KLHL12: variants seen among roughly 807,000 people sequenced by gnomAD.
KLHL12 encodes the protein kelch-like protein 12.
Under a neutral mutation model 60.8 loss-of-function variants are expected in KLHL12, and 17 were observed. The ratio of observed to expected loss-of-function variants is 0.28; its 90% CI spans 0.19 to 0.42. The LOEUF (loss-of-function observed/expected upper bound fraction) is 0.42. Ranked by LOEUF, KLHL12 falls within the 10% of genes least tolerant of loss-of-function variation. The probability of loss-of-function intolerance (pLI) is 1.00; values close to 1 mark genes in which losing one functional copy is unlikely to be tolerated. For synonymous variants in KLHL12, 220 were observed against 250.9 expected (o/e 0.88, Z 1.16); for missense variants, 468 against 722.3 (o/e 0.65, Z 4.04).
chr1:202,916,799 C>A (rs1329332525), intron 4 of KLHL12, among the ~76,000 whole-genome samples: 1 of 151,908 alleles, frequency 6.6e-6, no homozygotes, highest in Non-Finnish European at 1.5e-5. Flanking sequence ...GGCAACACAG[C>A]GAGACCCCAT....
rs1286466374 is a variant in KLHL12, at chr1:202,911,110, A to G, written c.661T>C (p.Tyr221His). ...REESLPNLLQ[Y>H]VRMPLLTPRY... ...GGGGTTAGTAGGGGCATCCGCACAT[A>G]CTGTAGCAGGTTAGGCAAGGATTCT... The change falls in exon 5 of 12, where the codon TAT (tyrosine) becomes CAT (histidine). Residue 221 changes from tyrosine (Y) to histidine (H), a missense_variant. Transcript: ENST00000367261. 2 of 1,614,014 alleles carry G rather than the reference A, an allele frequency of 1.2e-6. No homozygotes were observed. Among genetic ancestry groups the G allele is most frequent in the African/African-American group, 1.3e-5 (1 of 74,924 alleles).
chr1:202,903,940 C>G (rs1571523128), intron 6 of KLHL12, among the ~76,000 whole-genome samples: 1 of 151,730 alleles, frequency 6.6e-6, no homozygotes, highest in Non-Finnish European at 1.5e-5. Context: ...TTCTTATGAG[C>G]TCTTTACACA....
chr1:202,894,732 C>T lies in KLHL12; in HGVS notation c.1153G>A (p.Gly385Arg). The T allele has an allele frequency of 6.2e-7, 1 of 1,613,832 alleles. No individual in the cohort carries two copies. The highest frequency in any genetic ancestry group is 8.5e-7 in the Non-Finnish European group (1 of 1,179,722). Residue 385 changes from glycine (G) to arginine (R), a missense_variant, in exon 9 of 12, where the codon GGA becomes AGA. This residue lies in a region of KLHL12 where 339 missense variants were observed against 525.0 expected (regional missense o/e 0.65). Transcript: ENST00000367261. ...TTLGDMIYVS[G>R]GFDGSRRHTS... ...TGACGCCTGCTTCCATCAAAGCCTC[C>T]AGAGACATAGATCATATCTGCTCAG...
intron 7 of KLHL12, among the ~76,000 whole-genome samples, chr1:202,896,575 A>G (rs1175057824): frequency 1.3e-5 from 2 of 152,290 alleles, no homozygotes; most frequent in Non-Finnish European, 2.9e-5. Context: ...GACCAATGAA[A>G]TGTGCTAGGA....
In KLHL12 at chr1:202,903,629, C is replaced by CTTTTTTTTTTTTTTTTTTTTTT. The variant is rs1220119536; in HGVS notation, c.832+5380_832+5381insAAAAAAAAAAAAAAAAAAAAAA. Among the ~76,000 whole-genome samples the CTTTTTTTTTTTTTTTTTTTTTT allele has an allele frequency of 3.7e-4, 28 of 76,088 alleles. 6 individuals carry two copies. Among genetic ancestry groups the CTTTTTTTTTTTTTTTTTTTTTT allele is most frequent in the Admixed American group, 6.2e-4 (3 of 4,828 alleles). 49.9% of individuals were successfully genotyped at this position (76,088 alleles called of 152,430 possible). ...CTGGGACCACTAATTTTTTTCTTTT[C>CTTTTTTTTTTTTTTTTTTTTTT]TTTTTTTTTTTGAAACGGCGTCTTG... On this transcript the variant is annotated intron_variant, in intron 6 of 11. Transcript: ENST00000367261.
At chr1:202,898,493 T>C (rs776929159) in intron 6 of KLHL12, among the ~76,000 whole-genome samples, 5 of 152,214 alleles carry the variant, frequency 3.3e-5, no homozygotes, top group African/African-American at 4.8e-5. Flanking sequence ...CTATGAGACA[T>C]TGAGTGCTTC....
intron 6 of KLHL12, among the ~76,000 whole-genome samples, chr1:202,898,402 T>C (rs1386610442): frequency 6.6e-6 from 1 of 152,210 alleles, no homozygotes; most frequent in Non-Finnish European, 1.5e-5. Context: ...GAAACACAGA[T>C]AAACCCCTAA....
chr1:202,919,854 T>A lies in KLHL12; in HGVS notation c.250A>T (p.Met84Leu), dbSNP rs756018685. ...TACACAAAGTCCAATAAAATTTCCA[T>A]GGTAGAGGCAGTCAAACCTTGGATG... ...VDIQGLTAST[M>L]EILLDFVYTE... is the part of the protein sequence containing the mutation. Residue 84 changes from methionine (M) to leucine (L), a missense_variant, in exon 3 of 12, where the codon ATG becomes TTG. By Grantham distance (15) the Met-to-Leu change is conservative. Around this residue, in one of 4 missense-constraint regions of KLHL12, gnomAD observed 339 missense variants for 525.0 expected, o/e 0.65. Coordinates refer to ENST00000367261, the MANE Select transcript of KLHL12 (RefSeq NM_021633.4). 6.2e-7 allele frequency: 1 copy of A among 1,613,876 alleles called. No homozygotes were observed. Among genetic ancestry groups the A allele is most frequent in the Non-Finnish European group, 8.5e-7 (1 of 1,179,818 alleles).
chr1:202,906,843 G>C (rs1243752160), intron 6 of KLHL12, among the ~76,000 whole-genome samples: 1 of 152,044 alleles, frequency 6.6e-6, no homozygotes, highest in African/African-American at 2.4e-5. Flanking sequence ...TGTATTTTTA[G>C]TAGACATGGG....
chr1:202,922,588 G>A (rs1209106196), intron 2 of KLHL12, among the ~76,000 whole-genome samples: 3 of 151,470 alleles, frequency 2.0e-5, no homozygotes, highest in African/African-American at 7.3e-5. Flanking sequence ...CCGGGTTCAC[G>A]CCATTCTCCT....
chr1:202,919,981 A>T (rs1040295654), intron 2 of KLHL12, 73 bp from the exon 3 acceptor site: 1 of 1,265,282 alleles, frequency 7.9e-7, no homozygotes, highest in South Asian at 1.3e-5. Context: ...CATATCTAAG[A>T]GCTTAGAGAT....
intron 6 of KLHL12, 124 bp from the exon 7 acceptor site, chr1:202,897,084 C>T: frequency 1.3e-6 from 1 of 757,322 alleles, no homozygotes; most frequent in Non-Finnish European, 2.4e-6. Flanking sequence ...GGGATGCAAT[C>T]CGAAATGGGA....
chr1:202,909,101 T>A lies in KLHL12; in HGVS notation c.741A>T (p.Gln247His). ...TTGCTTCATCAACCAGATCCCTGCA[T>A]TGTAAACTACAGCGGATGAAAGGCT... Reference protein sequence around the residue: ...DAEPFIRCSLQCRDLVDEAKK... With the variant: ...DAEPFIRCSLHCRDLVDEAKK... Residue 247 changes from glutamine to histidine, a missense_variant, in exon 6 of 12, where the codon CAA (glutamine) becomes CAT (histidine). Coordinates refer to ENST00000367261, the MANE Select transcript of KLHL12 (RefSeq NM_021633.4). The surrounding 1 kb of genome is among the most constrained non-coding windows in gnomAD (Gnocchi z 4.1). 2 of 1,613,752 alleles carry A rather than the reference T, an allele frequency of 1.2e-6. No individual in the cohort carries two copies.
chr1:202,902,213 C>A (rs893727454), intron 6 of KLHL12, among the ~76,000 whole-genome samples: 1 of 152,030 alleles, frequency 6.6e-6, no homozygotes, highest in East Asian at 1.9e-4. Context: ...GAGTGGATCA[C>A]GAGGTCAGGA....
At chr1:202,899,921 T>C (rs1659956151) in intron 6 of KLHL12, among the ~76,000 whole-genome samples, 1 of 152,060 alleles carries the variant, frequency 6.6e-6, no homozygotes, top group Non-Finnish European at 1.5e-5. Context: ...CTGCCTAAAA[T>C]TACTTCAAGT....
At chr1:202,905,554 C>A (rs1431529163) in intron 6 of KLHL12, among the ~76,000 whole-genome samples, 1 of 152,170 alleles carries the variant, frequency 6.6e-6, no homozygotes, top group African/African-American at 2.4e-5. Context: ...TCCACTACAT[C>A]ACTGGCTTTC....
chr1:202,900,461 G>A (rs970637055), intron 6 of KLHL12, among the ~76,000 whole-genome samples: 1 of 151,770 alleles, frequency 6.6e-6, no homozygotes, highest in Non-Finnish European at 1.5e-5. Context: ...GACATGGGAG[G>A]ATCACTTAAG....
intron 2 of KLHL12, among the ~76,000 whole-genome samples, chr1:202,921,741 T>A (rs1660702978): frequency 6.6e-6 from 1 of 152,156 alleles, no homozygotes; most frequent in African/African-American, 2.4e-5. Context: ...TATCTGAAAA[T>A]ACCTTATGAA....
chr1:202,892,479 C>T lies in KLHL12; in HGVS notation c.*54G>A. On this transcript the variant is annotated 3_prime_UTR_variant, in exon 12 of 12. Coordinates refer to ENST00000367261, the MANE Select transcript of KLHL12 (RefSeq NM_021633.4). Reference sequence around the variant, plus strand: ...ATTCTGGAAAGGATTTTTGATTCTCCCACTAACTGTCCACTGGACTGGTCA... The same window carrying T: ...ATTCTGGAAAGGATTTTTGATTCTCTCACTAACTGTCCACTGGACTGGTCA... The T allele has an allele frequency of 1.9e-6, 3 of 1,591,194 alleles. No individual in the cohort carries two copies. The highest frequency in any genetic ancestry group is 2.2e-5 in the South Asian group (2 of 89,568).
Sources: gnomAD v4.1 joint callset for allele counts (sites outside exome capture counted in the v4.1 genomes callset) on GRCh38, gnomAD v4.1.1 for gene constraint, gnomAD v4.1.1 regional missense constraint, Gnocchi (gnomAD v3.1) non-coding constraint, MANE v1.5 for transcripts, NCBI Gene and HGNC (gene_info 2026-07-23, HGNC 2026-07-21) for gene names.